The following TIMM17A variants were observed in gnomAD, a reference collection of about 807,000 sequenced individuals.
The protein encoded by TIMM17A is mitochondrial import inner membrane translocase subunit Tim17-A.
Under a neutral mutation model 26.5 loss-of-function variants are expected in TIMM17A, and 15 were observed. The observed-to-expected ratio is 0.57, with a 90% CI of 0.38 to 0.87. TIMM17A has a LOEUF of 0.87. Ranked by LOEUF, TIMM17A falls within the 40% of genes least tolerant of loss-of-function variation. The pLI is 0.00. For missense variants in TIMM17A, 201 were observed against 210.0 expected, an observed-to-expected ratio of 0.96 and a Z score of 0.27; for synonymous variants, 80 against 70.8, an observed-to-expected ratio of 1.13 and a Z score of -0.66.
chr1:201,957,244 A>T (rs926419306), intron 1 of TIMM17A, 37 bp from the exon 2 acceptor site: 2 of 1,353,722 alleles, frequency 1.5e-6, no homozygotes, highest in Admixed American at 1.8e-5. Context: ...TGGTTTGTGA[A>T]TGAGAAATAT....
At chr1:201,967,444 A>G (rs1424862310) in intron 5 of TIMM17A, among the ~76,000 whole-genome samples, 1 of 152,150 alleles carries the variant, frequency 6.6e-6, no homozygotes, top group Non-Finnish European at 1.5e-5. Context: ...GTTAACTTAA[A>G]TAGTTACATT....
chr1:201,967,128 G>T (rs926602346), intron 5 of TIMM17A, among the ~76,000 whole-genome samples: 1 of 151,646 alleles, frequency 6.6e-6, no homozygotes, highest in Non-Finnish European at 1.5e-5. Context: ...GCTTGGAAAA[G>T]ATTCAGCATA....
chr1:201,965,366 C>T (rs1682609683), intron 4 of TIMM17A, 67 bp from the exon 5 acceptor site: 4 of 1,140,790 alleles, frequency 3.5e-6, no homozygotes, highest in Admixed American at 1.7e-5. Context: ...CAGTTCTCTT[C>T]TTTACTATCT....
intron 3 of TIMM17A, among the ~76,000 whole-genome samples, chr1:201,960,290 C>T (rs1682501531): frequency 6.6e-6 from 1 of 151,962 alleles, no homozygotes. Context: ...ATCCTAGCTA[C>T]TCGGGAGACT....
In TIMM17A at chr1:201,969,490, C is replaced by G. The variant is rs201512357; in HGVS notation, c.452C>G (p.Pro151Arg). ...GCAGGTCCTCAGTTTGCAGAAGACC[C>G]CTCCCAGTTGCCTTCAACTCAGTTA... is the stretch of plus-strand genomic sequence containing the variant. ...FPNGPQFAED[P>R]SQLPSTQLPS... The change falls in exon 6 of 6, where the codon CCC becomes CGC. Residue 151 changes from proline to arginine, a missense_variant. Physicochemically the swap from Pro to Arg is moderately radical, Grantham distance 103 (BLOSUM62 -2). Transcript: ENST00000367287. The G allele has an allele frequency of 3.7e-6, 6 of 1,613,406 alleles. No individual in the cohort carries two copies. The highest frequency in any genetic ancestry group is 5.1e-6 in the Non-Finnish European group (6 of 1,179,650).
At chr1:201,967,802 G>A (rs1682662797) in intron 5 of TIMM17A, among the ~76,000 whole-genome samples, 1 of 152,070 alleles carries the variant, frequency 6.6e-6, no homozygotes, top group African/African-American at 2.4e-5. Context: ...CTCCCAAAGT[G>A]CTGGGATTAC....
Position 201,963,736 on chromosome 1 carries a change from C to T in TIMM17A, c.311C>T (p.Ala104Val), listed in dbSNP as rs1682575390. Residue 104 changes from alanine to valine, a missense_variant, in exon 4 of 6, where the codon GCA (alanine) becomes GTA (valine). Physicochemically the swap from Ala to Val is moderately conservative, Grantham distance 64. Transcript: ENST00000367287. ...TSGALTGAIL[A>V]ARNGPVAMVG... Reference sequence around the variant, plus strand: ...GGTGCCTTAACGGGAGCCATACTGGCAGCAAGAAGTAAGTAGTCATTACAG... The same window carrying T: ...GGTGCCTTAACGGGAGCCATACTGGTAGCAAGAAGTAAGTAGTCATTACAG... The T allele has an allele frequency of 6.2e-7, 1 of 1,600,776 alleles. No individual in the cohort carries two copies. The highest frequency in any genetic ancestry group is 1.8e-5 in the Admixed American group (1 of 54,924).
intron 5 of TIMM17A, among the ~76,000 whole-genome samples, chr1:201,965,965 C>G (rs960593118): frequency 1.3e-5 from 2 of 152,180 alleles, no homozygotes; most frequent in Admixed American, 1.3e-4. Context: ...GACAGACTAA[C>G]ACATTAACAG....
rs1237233584 is a variant in TIMM17A at position 201,970,246 on chromosome 1, A to G, written c.*692A>G. 1 of 152,252 alleles carries G rather than the reference A, an allele frequency of 6.6e-6. No homozygotes were observed. The highest frequency in any genetic ancestry group is 2.4e-5 in the African/African-American group (1 of 41,470). The allele number at this position is 152,252 out of a possible 1,614,324, so 9.4% of individuals were successfully genotyped here. Reference sequence around the variant, plus strand: ...TTTCACCAGAAACAACTTGCTTCCAATATACCCAATTCTATATGAAGAATT... The same window carrying G: ...TTTCACCAGAAACAACTTGCTTCCAGTATACCCAATTCTATATGAAGAATT... On this transcript the variant is annotated 3_prime_UTR_variant, in exon 6 of 6. Transcript: ENST00000367287.
intron 5 of TIMM17A, among the ~76,000 whole-genome samples, chr1:201,969,211 G>A (rs770171298): frequency 6.6e-6 from 1 of 152,118 alleles, no homozygotes; most frequent in Non-Finnish European, 1.5e-5. Context: ...TAATTAATCC[G>A]TCTGACTTTC....
intron 2 of TIMM17A, 46 bp from the exon 3 acceptor site, chr1:201,957,465 A>G: frequency 6.3e-7 from 1 of 1,594,088 alleles, no homozygotes; most frequent in Non-Finnish European, 8.6e-7. Context: ...TGGCTTAGAA[A>G]TGTACTTCTA....
intron 5 of TIMM17A, among the ~76,000 whole-genome samples, chr1:201,967,530 T>TTTTATTTATTTATTTATTTTA (rs1553301612): frequency 3.3e-5 from 5 of 150,666 alleles, no homozygotes; most frequent in Non-Finnish European, 7.4e-5. Context: ...TATTTATTTA[T>TTTTATTTATTTATTTATTTTA]TTTATTTATT....
At chr1:201,966,846 A>AAT (rs954232009) in intron 5 of TIMM17A, among the ~76,000 whole-genome samples, 69 of 144,304 alleles carry the variant, frequency 4.8e-4, no homozygotes, top group South Asian at 1.9e-3. Context: ...CATCTCAAAA[A>AAT]ATATATATAT....
chr1:201,955,654 C>A, intron 1 of TIMM17A, 102 bp downstream of exon 1: 1 of 1,526,538 alleles, frequency 6.6e-7, no homozygotes. Context: ...TCAACCGCAG[C>A]CTCGTCGACT....
chr1:201,959,952 G>T (rs1158849250), intron 3 of TIMM17A, among the ~76,000 whole-genome samples: 3 of 151,872 alleles, frequency 2.0e-5, no homozygotes, highest in Non-Finnish European at 4.4e-5. Flanking sequence ...AGTGAGCCCA[G>T]ATCACACCAC....
chr1:201,965,940 A>G (rs1682616821), intron 5 of TIMM17A, among the ~76,000 whole-genome samples: 1 of 152,196 alleles, frequency 6.6e-6, no homozygotes, highest in South Asian at 2.1e-4. Context: ...AAGGACTTAC[A>G]TTCTGGTAGG....
chr1:201,969,529 T>A lies in TIMM17A; in HGVS notation c.491T>A (p.Phe164Tyr). 1 of 1,614,026 alleles carries A rather than the reference T, an allele frequency of 6.2e-7. No individual in the cohort carries two copies. The highest frequency in any genetic ancestry group is 8.5e-7 in the Non-Finnish European group (1 of 1,179,920). ...LPSTQLPSSP[F>Y]GDYRQYQ ...TCAACTCAGTTACCTTCCTCACCTT[T>A]TGGAGACTATCGACAATATCAGTAG... Residue 164 changes from phenylalanine (F) to tyrosine (Y), a missense_variant, in exon 6 of 6, where the codon TTT (phenylalanine) becomes TAT (tyrosine). Phe to Tyr is a conservative substitution (Grantham distance 22, BLOSUM62 3). Transcript: ENST00000367287.
In TIMM17A at chr1:201,965,313, TAAGA is replaced by T. The variant is rs1198756459; in HGVS notation, c.320-115_320-112del. 7.2e-6 allele frequency: 5 copies of T among 696,692 alleles called. No homozygotes were observed. In the East Asian group the frequency reaches 1.3e-4, roughly 19 times the overall value. 43.2% of individuals were successfully genotyped at this position (696,692 alleles called of 1,614,324 possible). On this transcript the variant is annotated intron_variant, in intron 4 of 5. Coordinates refer to ENST00000367287, the MANE Select transcript of TIMM17A (RefSeq NM_006335.3). ...TTTACTGACTCTGGGTCTTAGGCAA[TAAGA>T]AAGAGTTTGGGAGTTGGGGGAGCAT...
intron 5 of TIMM17A, among the ~76,000 whole-genome samples, chr1:201,965,820 GA>G (rs1162810095): frequency 6.6e-6 from 1 of 152,228 alleles, no homozygotes; most frequent in African/African-American, 2.4e-5. Context: ...GGGACTTGAA[GA>G]ATGGTTCTGC....
Sources: allele counts gnomAD v4.1 joint callset (sites outside exome capture counted in the v4.1 genomes callset), GRCh38; gene constraint gnomAD v4.1.1; transcripts MANE v1.5; gene names NCBI Gene and HGNC (gene_info 2026-07-23, HGNC 2026-07-21).